MKX: variants seen among roughly 807,000 people sequenced by gnomAD.
MKX encodes the protein homeobox protein Mohawk.
A neutral mutation model predicts 36.0 loss-of-function variants in MKX; 13 were observed. The ratio of observed to expected loss-of-function variants is 0.36; its 90% CI spans 0.24 to 0.57. The LOEUF is 0.57. MKX is among the 20% of genes least tolerant of loss of function. The probability of loss-of-function intolerance (pLI) is 0.79; values close to 1 mark genes in which losing one functional copy is unlikely to be tolerated. For synonymous variants in MKX, 176 were observed against 178.3 expected, an observed-to-expected ratio of 0.99 and a Z score of 0.10; for missense variants, 458 against 456.4, an observed-to-expected ratio of 1.00 and a Z score of -0.03.
intron 5 of MKX, among the ~76,000 whole-genome samples, chr10:27,701,272 C>CT (rs1836646413): frequency 6.6e-6 from 1 of 152,086 alleles, no homozygotes; most frequent in Admixed American, 6.6e-5. Flanking sequence ...GACTTTCCCT[C>CT]TAAAGAACTG....
At chr10:27,686,958 C>T (rs545331751) in intron 5 of MKX, among the ~76,000 whole-genome samples, 5 of 152,152 alleles carry the variant, frequency 3.3e-5, no homozygotes, top group Non-Finnish European at 7.4e-5. Flanking sequence ...AATGCATAGT[C>T]CCCCCAACTA....
intron 5 of MKX, among the ~76,000 whole-genome samples, chr10:27,715,247 T>G (rs1294799967): frequency 6.6e-6 from 1 of 152,174 alleles, no homozygotes; most frequent in Non-Finnish European, 1.5e-5. Context: ...GGAGTCCCTC[T>G]CCTCTCTACA....
In MKX at chr10:27,676,302, G is replaced by A. The variant is rs189697698; in HGVS notation, c.839-748C>T. On this transcript the variant is annotated intron_variant, in intron 5 of 6. Transcript: ENST00000419761. The stretch of plus-strand genomic sequence containing the variant: ...GAAAATTAAAATAAAAAAGGGGGGG[G>A]TTCTAGAAAATCTTGGGGGTGCTTC... Among the ~76,000 whole-genome samples the A allele has an allele frequency of 2.7e-3, 307 of 115,074 alleles. 2 individuals carry two copies. The highest frequency in any genetic ancestry group is 9.4e-3 in the African/African-American group (285 of 30,404). The allele number at this position is 115,074 out of a possible 152,430, so 75.5% of individuals were successfully genotyped here. A position where few individuals can be genotyped will look rare whatever the true frequency, so the allele number is the denominator to read the frequency against.
chr10:27,743,385 C>T lies in MKX; in HGVS notation c.31G>A (p.Gly11Ser). 6.4e-7 allele frequency: 1 copy of T among 1,569,932 alleles called. No individual in the cohort carries two copies. Among genetic ancestry groups the T allele is most frequent in the Non-Finnish European group, 8.6e-7 (1 of 1,160,668 alleles). Residue 11 changes from glycine to serine, a missense_variant, in exon 2 of 7, where the codon GGT becomes AGT. Physicochemically the swap from Gly to Ser is moderately conservative, Grantham distance 56 (BLOSUM62 0). Coordinates refer to ENST00000419761, the MANE Select transcript of MKX (RefSeq NM_173576.3). ...CCTCCGTCCTCAAACAGCACCGCAC[C>T]GCTGAGCTTGTTGAAGACGATGGTG... Reference protein sequence around the residue: MNTIVFNKLSGAVLFEDGGAS... With the variant: MNTIVFNKLSSAVLFEDGGAS...
intron 5 of MKX, among the ~76,000 whole-genome samples, chr10:27,710,502 C>T (rs1042378769): frequency 6.6e-6 from 1 of 152,136 alleles, no homozygotes; most frequent in African/African-American, 2.4e-5. Context: ...GCCTAAGGCC[C>T]AGAAGGGACT....
chr10:27,681,605 T>C (rs190230646), intron 5 of MKX, among the ~76,000 whole-genome samples: 17 of 152,234 alleles, frequency 1.1e-4, no homozygotes, highest in African/African-American at 3.9e-4. Context: ...TTTGAGAGTG[T>C]GCTCCTTCAC....
intron 5 of MKX, among the ~76,000 whole-genome samples, chr10:27,724,512 T>C (rs937268504): frequency 3.9e-5 from 6 of 152,148 alleles, no homozygotes; most frequent in Admixed American, 3.3e-4. Flanking sequence ...TGACTCACTT[T>C]GGGGAAGACT....
intron 1 of MKX, 189 bp from the exon 2 acceptor site, chr10:27,743,686 G>C (rs921370379): frequency 2.3e-5 from 11 of 476,416 alleles, no homozygotes; most frequent in African/African-American, 1.9e-4. Context: ...AGGTTCCCCG[G>C]ACAGGTACCT....
intron 5 of MKX, among the ~76,000 whole-genome samples, chr10:27,696,723 C>G (rs920782335): frequency 2.0e-5 from 3 of 152,034 alleles, no homozygotes; most frequent in African/African-American, 7.2e-5. Context: ...TAGTCTTCTG[C>G]TGTTCTCTTT....
At chr10:27,700,710 C>T (rs1836635339) in intron 5 of MKX, among the ~76,000 whole-genome samples, 1 of 152,106 alleles carries the variant, frequency 6.6e-6, no homozygotes. Flanking sequence ...ACCGATCAAT[C>T]AACAGATTTT....
chr10:27,710,848 G>A (rs1836838559), intron 5 of MKX, among the ~76,000 whole-genome samples: 1 of 151,962 alleles, frequency 6.6e-6, no homozygotes, highest in Admixed American at 6.6e-5. Context: ...TAGTAGAGAT[G>A]GGGTTTCACC....
chr10:27,675,468 T>G, intron 6 of MKX, 53 bp from the exon 7 acceptor site: 33 of 1,614,100 alleles, frequency 2.0e-5, no homozygotes, highest in Non-Finnish European at 2.8e-5. Context: ...CAGTTTGCAT[T>G]GAAAATGCCA....
At chr10:27,703,769 G>T (rs1355590361) in intron 5 of MKX, among the ~76,000 whole-genome samples, 1 of 152,058 alleles carries the variant, frequency 6.6e-6, no homozygotes, top group Middle Eastern at 3.4e-3. Context: ...GCATGGTGGC[G>T]TGCACCTATA....
At chr10:27,726,879 A>C (rs1834502244) in intron 5 of MKX, among the ~76,000 whole-genome samples, 2 of 152,196 alleles carry the variant, frequency 1.3e-5, no homozygotes, top group South Asian at 4.1e-4. Context: ...ACACTAAATC[A>C]TCAAAACACG....
intron 5 of MKX, among the ~76,000 whole-genome samples, chr10:27,683,036 C>A (rs1314844527): frequency 1.3e-5 from 2 of 151,842 alleles, no homozygotes; most frequent in Non-Finnish European, 2.9e-5. Context: ...CAACTACATG[C>A]GCAGTTCACA....
At chr10:27,711,631 G>A (rs1306082343) in intron 5 of MKX, among the ~76,000 whole-genome samples, 2 of 148,326 alleles carry the variant, frequency 1.3e-5, no homozygotes, top group Non-Finnish European at 3.0e-5. Context: ...GAGCGCAGTC[G>A]CACAGTCATA....
intron 5 of MKX, among the ~76,000 whole-genome samples, chr10:27,733,621 T>G (rs947247477): frequency 6.6e-6 from 1 of 152,224 alleles, no homozygotes; most frequent in Non-Finnish European, 1.5e-5. Context: ...TTTCCAGCTC[T>G]AATATTCTAA....
intron 5 of MKX, among the ~76,000 whole-genome samples, chr10:27,733,745 G>A (rs1461443684): frequency 6.6e-6 from 1 of 152,206 alleles, no homozygotes; most frequent in Admixed American, 6.5e-5. Context: ...ACCTCTCTGG[G>A]AACTGAAGTC....
rs879627213 is a variant in MKX at position 27,743,469 on chromosome 10, G to T, written c.-54C>A. The T allele has an allele frequency of 1.4e-5, 20 of 1,459,050 alleles. No individual in the cohort carries two copies. Among genetic ancestry groups the T allele is most frequent in the Middle Eastern group, 2.1e-4 (1 of 4,734 alleles). The allele number at this position is 1,459,050 out of a possible 1,614,324, so 90.4% of individuals were successfully genotyped here. On this transcript the variant is annotated 5_prime_UTR_variant, in exon 2 of 7. Coordinates refer to ENST00000419761, the MANE Select transcript of MKX (RefSeq NM_173576.3). ...GGCCGCAGAGCCTCGGGGCTGGGCC[G>T]CCGGGAGCTCCGCAGCGGGGCTCGG...
Sources: gnomAD v4.1 joint callset for allele counts (sites outside exome capture counted in the v4.1 genomes callset) on GRCh38, gnomAD v4.1.1 for gene constraint, MANE v1.5 for transcripts, NCBI Gene and HGNC (gene_info 2026-07-23, HGNC 2026-07-21) for gene names.